The following TAFA1 variants were observed in gnomAD, a reference collection of about 807,000 sequenced individuals.
TAFA1 encodes the protein chemokine-like protein TAFA-1.
A neutral mutation model predicts 18.5 loss-of-function variants in TAFA1; 4 were observed. That is an observed-to-expected ratio of 0.22 (90% CI 0.11 to 0.49). The LOEUF (loss-of-function observed/expected upper bound fraction) is 0.49. Among genes scored for constraint, TAFA1 ranks in the 20% least tolerant of loss-of-function variants. The probability of loss-of-function intolerance (pLI) is 0.98; values close to 1 mark genes in which losing one functional copy is unlikely to be tolerated. For missense variants in TAFA1, 147 were observed against 169.0 expected, an observed-to-expected ratio of 0.87 and a Z score of 0.72; for synonymous variants, 56 against 55.2, an observed-to-expected ratio of 1.01 and a Z score of -0.06.
At chr3:68,307,605 T>A (rs1380110936) in intron 2 of TAFA1, among the ~76,000 whole-genome samples, 2 of 152,248 alleles carry the variant, frequency 1.3e-5, no homozygotes, top group Non-Finnish European at 2.9e-5. Flanking sequence ...GCCTCTACTT[T>A]TTTTTGGAAA....
intron 3 of TAFA1, among the ~76,000 whole-genome samples, chr3:68,488,270 G>T (rs556792160): frequency 6.6e-6 from 1 of 152,282 alleles, no homozygotes; most frequent in South Asian, 2.1e-4. Flanking sequence ...GAAGCATGCA[G>T]CATGGGAGAA....
intron 2 of TAFA1, among the ~76,000 whole-genome samples, chr3:68,169,877 A>G (rs554988699): frequency 2.6e-5 from 4 of 152,334 alleles, no homozygotes; most frequent in South Asian, 4.1e-4. Flanking sequence ...CCTTGTAATG[A>G]CAAAGTTTGT....
chr3:68,492,310 TG>T (rs1453740259), intron 3 of TAFA1, among the ~76,000 whole-genome samples: 1 of 152,074 alleles, frequency 6.6e-6, no homozygotes, highest in African/African-American at 2.4e-5. Flanking sequence ...AACCAGTGGT[TG>T]TTTTTTTGTT....
intron 3 of TAFA1, among the ~76,000 whole-genome samples, chr3:68,438,253 G>GA (rs1047357681): frequency 2.0e-5 from 3 of 152,110 alleles, no homozygotes; most frequent in African/African-American, 7.2e-5. Context: ...AACTACTTGG[G>GA]AGGCTAAGGT....
chr3:68,385,515 CT>C (rs573804296), intron 2 of TAFA1, among the ~76,000 whole-genome samples: 14 of 151,850 alleles, frequency 9.2e-5, no homozygotes, highest in African/African-American at 3.4e-4. Flanking sequence ...CCTGTTTTAT[CT>C]TTTTTTTAAA....
intron 3 of TAFA1, among the ~76,000 whole-genome samples, chr3:68,532,023 T>C (rs934315943): frequency 6.6e-6 from 1 of 152,248 alleles, no homozygotes; most frequent in Non-Finnish European, 1.5e-5. Flanking sequence ...ATTTTTCTTA[T>C]GCAGGGTTGA....
intron 3 of TAFA1, among the ~76,000 whole-genome samples, chr3:68,537,829 G>C (rs2073300085): frequency 6.6e-6 from 1 of 152,132 alleles, no homozygotes; most frequent in Admixed American, 6.5e-5. Flanking sequence ...TTGCCTGTGG[G>C]TTCTTCCTGT....
chr3:68,167,223 T>C (rs1424886049), intron 2 of TAFA1, among the ~76,000 whole-genome samples: 1 of 152,178 alleles, frequency 6.6e-6, no homozygotes, highest in Non-Finnish European at 1.5e-5. Flanking sequence ...ATAGCTCCCA[T>C]ACAGTAATAC....
chr3:68,490,618 A>G (rs1412864054), intron 3 of TAFA1, among the ~76,000 whole-genome samples: 1 of 152,168 alleles, frequency 6.6e-6, no homozygotes, highest in Non-Finnish European at 1.5e-5. Flanking sequence ...AGATTTAAAA[A>G]TCATAAAATA....
At chr3:68,280,616 G>C (rs2067880793) in intron 2 of TAFA1, among the ~76,000 whole-genome samples, 1 of 148,586 alleles carries the variant, frequency 6.7e-6, no homozygotes, top group Non-Finnish European at 1.5e-5. Flanking sequence ...GTGGACTTTT[G>C]TTTTTTTTTT....
At chr3:68,058,195 A>G (rs898927704) in intron 2 of TAFA1, among the ~76,000 whole-genome samples, 6 of 152,176 alleles carry the variant, frequency 3.9e-5, no homozygotes, top group Non-Finnish European at 5.9e-5. Flanking sequence ...CTTACTCGCT[A>G]TGTGGCCTTG....
chr3:68,536,004 T>C (rs2073273850), intron 3 of TAFA1, among the ~76,000 whole-genome samples: 1 of 152,204 alleles, frequency 6.6e-6, no homozygotes, highest in East Asian at 1.9e-4. Context: ...TCTCCTTAGA[T>C]GAATGTGTGT....
At chr3:68,533,343 C>T (rs1187341810) in intron 3 of TAFA1, among the ~76,000 whole-genome samples, 1 of 152,230 alleles carries the variant, frequency 6.6e-6, no homozygotes, top group East Asian at 1.9e-4. Flanking sequence ...CCTTATAAAA[C>T]CATGAGATCT....
intron 3 of TAFA1, among the ~76,000 whole-genome samples, chr3:68,447,527 G>A (rs1176422851): frequency 6.6e-6 from 1 of 152,136 alleles, no homozygotes; most frequent in Non-Finnish European, 1.5e-5. Flanking sequence ...CAGAACCATT[G>A]CTCCAAAACT....
chr3:68,194,133 T>A (rs892469037), intron 2 of TAFA1, among the ~76,000 whole-genome samples: 2 of 151,646 alleles, frequency 1.3e-5, no homozygotes, highest in Non-Finnish European at 3.0e-5. Flanking sequence ...GGCTTAGAAC[T>A]GGAACACAGT....
intron 2 of TAFA1, among the ~76,000 whole-genome samples, chr3:68,246,033 T>G (rs904641878): frequency 2.6e-5 from 4 of 152,174 alleles, no homozygotes; most frequent in Non-Finnish European, 5.9e-5. Context: ...TTTTGTTCCC[T>G]GCTCTATCTT....
intron 2 of TAFA1, among the ~76,000 whole-genome samples, chr3:68,022,842 TTATATA>T (rs201139587): frequency 7.3e-6 from 1 of 137,366 alleles, no homozygotes; most frequent in South Asian, 2.2e-4. Flanking sequence ...TATATATATA[TTATATA>T]TATATATATA....
intron 2 of TAFA1, among the ~76,000 whole-genome samples, chr3:68,356,031 C>A (rs1276386139): frequency 6.6e-6 from 1 of 151,862 alleles, no homozygotes; most frequent in Admixed American, 6.6e-5. Flanking sequence ...ACAGTAGCTA[C>A]ACTTGAAGTG....
At chr3:68,441,989 C>T (rs1171656772) in intron 3 of TAFA1, among the ~76,000 whole-genome samples, 1 of 152,140 alleles carries the variant, frequency 6.6e-6, no homozygotes, top group Non-Finnish European at 1.5e-5. Flanking sequence ...TATACTGATA[C>T]ATGGGCTGTA....
Sources: gnomAD v4.1 joint callset for allele counts (sites outside exome capture counted in the v4.1 genomes callset) on GRCh38, gnomAD v4.1.1 for gene constraint, MANE v1.5 for transcripts, NCBI Gene and HGNC (gene_info 2026-07-23, HGNC 2026-07-21) for gene names.